The following OPCML variants were observed in gnomAD, a reference collection of about 807,000 sequenced individuals.
The protein encoded by OPCML is opioid binding protein/cell adhesion molecule like.
In OPCML, 13 loss-of-function variants were observed where a neutral mutation model predicts 37.8. The ratio of observed to expected loss-of-function variants is 0.34; its 90% confidence interval spans 0.22 to 0.55. OPCML has a LOEUF of 0.55. OPCML is among the 20% of genes least tolerant of loss of function. The probability of loss-of-function intolerance (pLI) is 0.91; values close to 1 mark genes in which losing one functional copy is unlikely to be tolerated. For missense variants in OPCML, 341 were observed against 435.6 expected, an observed-to-expected ratio of 0.78 and a Z score of 1.93; for synonymous variants, 176 against 168.8, an observed-to-expected ratio of 1.04 and a Z score of -0.33.
At chr11:133,263,042 T>C (rs541892687) in intron 1 of OPCML, among the ~76,000 whole-genome samples, 33 of 151,960 alleles carry the variant, frequency 2.2e-4, no homozygotes, top group Middle Eastern at 3.4e-3. Context: ...AGAGTGGTCA[T>C]GCAAAAGAAA....
chr11:133,140,621 AGAGGAAGAG>A (rs1198153979), intron 1 of OPCML, among the ~76,000 whole-genome samples: 13 of 148,214 alleles, frequency 8.8e-5, no homozygotes, highest in African/African-American at 3.2e-4. Flanking sequence ...AAGAAGAGGA[AGAGGAAGAG>A]GAGGAAGAGG....
At chr11:133,025,726 A>ATTTTTTTTTTTTTTTTTTTTTTTTT in intron 1 of OPCML, among the ~76,000 whole-genome samples, 1 of 91,342 alleles carries the variant, frequency 1.1e-5, no homozygotes, top group Non-Finnish European at 2.0e-5. Flanking sequence ...TGCCGATTTG[A>ATTTTTTTTTTTTTTTTTTTTTTTTT]TTTTTTTTTT....
intron 3 of OPCML, among the ~76,000 whole-genome samples, chr11:132,655,006 C>A (rs1941634595): frequency 2.6e-5 from 4 of 152,212 alleles, no homozygotes; most frequent in African/African-American, 9.6e-5. Flanking sequence ...CACAGGGAGA[C>A]CCCACAGGCT....
At chr11:132,757,205 G>A (rs1591564465) in intron 2 of OPCML, among the ~76,000 whole-genome samples, 3 of 152,270 alleles carry the variant, frequency 2.0e-5, no homozygotes, top group Admixed American at 2.0e-4. Flanking sequence ...TATCATTGAT[G>A]GGCATTTGGG....
intron 2 of OPCML, among the ~76,000 whole-genome samples, chr11:132,888,573 G>T (rs2136453141): frequency 6.6e-6 from 1 of 152,286 alleles, no homozygotes; most frequent in Non-Finnish European, 1.5e-5. Flanking sequence ...TGTAACAAAA[G>T]GTTATTTGCT....
At chr11:132,824,784 C>T (rs557746569) in intron 2 of OPCML, among the ~76,000 whole-genome samples, 1 of 152,304 alleles carries the variant, frequency 6.6e-6, no homozygotes, top group Non-Finnish European at 1.5e-5. Context: ...AATCAACCAC[C>T]TTTCTGTGAT....
chr11:133,287,771 G>T (rs2136528552), intron 1 of OPCML, among the ~76,000 whole-genome samples: 1 of 152,262 alleles, frequency 6.6e-6, no homozygotes, highest in East Asian at 1.9e-4. Flanking sequence ...GACTCAAGCA[G>T]GGCTGGCCAT....
At chr11:133,090,008 G>C (rs959800293) in intron 1 of OPCML, among the ~76,000 whole-genome samples, 4 of 152,132 alleles carry the variant, frequency 2.6e-5, no homozygotes, top group African/African-American at 4.8e-5. Flanking sequence ...AATGTACACA[G>C]GTAAATTCAC....
In OPCML at chr11:132,437,142, T is replaced by C. The variant is rs2096015719; in HGVS notation, c.643+80A>G. ...GCAGGAACCTGGGTCCTTTGGAAAA[T>C]GGCACTGCCATTACCAGATTGTCCA... On this transcript the variant is annotated intron_variant, in intron 5 of 7. Coordinates refer to ENST00000524381, the MANE Select transcript of OPCML (RefSeq NM_001012393.5). 1.4e-5 allele frequency: 22 copies of C among 1,548,402 alleles called. No individual in the cohort carries two copies. In the South Asian group the frequency reaches 2.4e-4, roughly 17 times the overall value.
At chr11:132,930,274 G>A (rs1047180853) in intron 2 of OPCML, among the ~76,000 whole-genome samples, 4 of 152,106 alleles carry the variant, frequency 2.6e-5, no homozygotes, top group African/African-American at 4.8e-5. Flanking sequence ...TGAGGTGGGA[G>A]AATCACGTGA....
intron 1 of OPCML, among the ~76,000 whole-genome samples, chr11:133,348,501 G>C (rs1293407325): frequency 7.2e-5 from 11 of 152,184 alleles, no homozygotes; most frequent in Admixed American, 5.9e-4. Flanking sequence ...TGCCCAATCT[G>C]CAAGAGAGGA....
chr11:132,781,283 C>A (rs558864245), intron 2 of OPCML, among the ~76,000 whole-genome samples: 2 of 152,022 alleles, frequency 1.3e-5, no homozygotes, highest in Admixed American at 1.3e-4. Context: ...CATGAGTGGG[C>A]CCCTTCCAGT....
intron 2 of OPCML, among the ~76,000 whole-genome samples, chr11:132,746,755 G>A (rs745429562): frequency 6.6e-6 from 1 of 152,140 alleles, no homozygotes; most frequent in Non-Finnish European, 1.5e-5. Flanking sequence ...TGTCATTTTT[G>A]ACTCCCGGGT....
intron 2 of OPCML, among the ~76,000 whole-genome samples, chr11:132,766,996 T>C (rs1437502475): frequency 1.3e-5 from 2 of 152,180 alleles, no homozygotes; most frequent in Non-Finnish European, 2.9e-5. Context: ...AGAAAAATAT[T>C]GATTCACACA....
At chr11:132,676,612 A>G (rs1942712728) in intron 2 of OPCML, among the ~76,000 whole-genome samples, 2 of 151,894 alleles carry the variant, frequency 1.3e-5, no homozygotes, top group African/African-American at 4.8e-5. Context: ...AGACAACCCA[A>G]TTTAAAACAA....
chr11:132,858,957 A>AT (rs929968404), intron 2 of OPCML, among the ~76,000 whole-genome samples: 5 of 152,312 alleles, frequency 3.3e-5, no homozygotes, highest in African/African-American at 9.6e-5. Flanking sequence ...AGTATTCCAC[A>AT]TTCTCTTCAT....
intron 1 of OPCML, among the ~76,000 whole-genome samples, chr11:133,124,738 C>T (rs1949474264): frequency 6.6e-6 from 1 of 152,100 alleles, no homozygotes; most frequent in East Asian, 1.9e-4. Context: ...TGATTTGGAT[C>T]CTCAAAATAT....
intron 2 of OPCML, among the ~76,000 whole-genome samples, chr11:132,797,727 A>G (rs1938411551): frequency 6.6e-6 from 1 of 152,230 alleles, no homozygotes; most frequent in Non-Finnish European, 1.5e-5. Flanking sequence ...TCAGTAGAAA[A>G]GAAAACATAA....
chr11:133,201,418 G>T (rs1293409599), intron 1 of OPCML, among the ~76,000 whole-genome samples: 1 of 151,426 alleles, frequency 6.6e-6, no homozygotes, highest in Non-Finnish European at 1.5e-5. Context: ...AAATGACTAG[G>T]TCCTACCTAC....
Sources: allele counts gnomAD v4.1 joint callset (sites outside exome capture counted in the v4.1 genomes callset), GRCh38; gene constraint gnomAD v4.1.1; transcripts MANE v1.5; gene names NCBI Gene and HGNC (gene_info 2026-07-23, HGNC 2026-07-21).